The following KCTD8 variants were observed in gnomAD, a reference collection of about 807,000 sequenced individuals.
The protein encoded by KCTD8 is potassium channel tetramerization domain containing 8.
KCTD8 carries 27 observed loss-of-function variants against 31.5 expected under a neutral mutation model. That is an observed-to-expected ratio of 0.86 (90% CI 0.63 to 1.18). The LOEUF (loss-of-function observed/expected upper bound fraction) is 1.18. KCTD8 is among the 50% of genes most tolerant of loss of function. The probability of loss-of-function intolerance (pLI) is 0.00; values close to 1 mark genes in which losing one functional copy is unlikely to be tolerated. For missense variants in KCTD8, 658 were observed against 647.7 expected, an observed-to-expected ratio of 1.02 and a Z score of -0.17; for synonymous variants, 290 against 280.0, an observed-to-expected ratio of 1.04 and a Z score of -0.36.
intron 1 of KCTD8, among the ~76,000 whole-genome samples, chr4:44,242,440 C>T (rs965486049): frequency 6.6e-5 from 10 of 151,842 alleles, no homozygotes; most frequent in South Asian, 2.1e-4. Context: ...TAGCTGGGCG[C>T]GGTGGCTGGC....
At chr4:44,271,009 A>T (rs1716581882) in intron 1 of KCTD8, among the ~76,000 whole-genome samples, 1 of 152,120 alleles carries the variant, frequency 6.6e-6, no homozygotes, top group African/African-American at 2.4e-5. Context: ...ATTATTAAAT[A>T]AATTTTTAGA....
intron 1 of KCTD8, among the ~76,000 whole-genome samples, chr4:44,347,543 T>C (rs1719065599): frequency 6.6e-6 from 1 of 152,190 alleles, no homozygotes; most frequent in Non-Finnish European, 1.5e-5. Context: ...CTCCTATTAG[T>C]TCCACATTGT....
Position 44,256,176 on chromosome 4 carries a change from G to A in KCTD8, c.962-80926C>T, listed in dbSNP as rs191729867. Among the ~76,000 whole-genome samples the A allele has an allele frequency of 8.6e-5, 13 of 151,956 alleles. No homozygotes were observed. In the East Asian group the frequency reaches 2.5e-3, roughly 30 times the overall value. ...CACATTATTCAATTACCTCCCACCA[G>A]TCCCTCCCACGACGTGAGAATTATG... On this transcript the variant is annotated intron_variant, in intron 1 of 1. Transcript: ENST00000360029.
At chr4:44,441,248 A>AT (rs1721803222) in intron 1 of KCTD8, among the ~76,000 whole-genome samples, 1 of 151,836 alleles carries the variant, frequency 6.6e-6, no homozygotes, top group Non-Finnish European at 1.5e-5. Flanking sequence ...TAAAAAAAAA[A>AT]TACACTTTAA....
In KCTD8 at chr4:44,191,291, G is replaced by C. The variant is rs192554362; in HGVS notation, c.962-16041C>G. On this transcript the variant is annotated intron_variant, in intron 1 of 1. Coordinates refer to ENST00000360029, the MANE Select transcript of KCTD8 (RefSeq NM_198353.3). Reference sequence around the variant, plus strand: ...AGGATGTTTGTCACCTCAGGACCCTGTGATGATTGTGTTAACTGTACAAAT... The same window carrying C: ...AGGATGTTTGTCACCTCAGGACCCTCTGATGATTGTGTTAACTGTACAAAT... 1.2e-3 allele frequency among the ~76,000 whole-genome samples: 186 copies of C among 152,264 alleles called. No individual in the cohort carries two copies. In the Middle Eastern group the frequency reaches 0.014, roughly 11 times the overall value.
chr4:44,400,500 G>A (rs141819566), intron 1 of KCTD8, among the ~76,000 whole-genome samples: 4,011 of 151,962 alleles, frequency 0.026, 80 homozygotes, highest in Non-Finnish European at 0.041. Context: ...AGGCCGTGGT[G>A]GGTGGATCAC....
chr4:44,174,119 A>G lies in KCTD8; in HGVS notation c.*671T>C, dbSNP rs1197379332. The G allele has an allele frequency of 6.6e-6, 1 of 152,316 alleles. No individual in the cohort carries two copies. Among genetic ancestry groups the G allele is most frequent in the African/African-American group, 2.4e-5 (1 of 41,470 alleles). 9.4% of individuals were successfully genotyped at this position (152,316 alleles called of 1,614,324 possible). A position where few individuals can be genotyped will look rare whatever the true frequency, so the allele number is the denominator to read the frequency against. On this transcript the variant is annotated 3_prime_UTR_variant, in exon 2 of 2. Coordinates refer to ENST00000360029, the MANE Select transcript of KCTD8 (RefSeq NM_198353.3). ...GTATAAGGCATATTTACACCATCTT[A>G]ATATACATAAACACCATACACATAC...
At chr4:44,213,190 C>G (rs561575560) in intron 1 of KCTD8, among the ~76,000 whole-genome samples, 20 of 152,296 alleles carry the variant, frequency 1.3e-4, no homozygotes, top group African/African-American at 4.3e-4. Flanking sequence ...CCTGCCTCGG[C>G]CTCCCAGAGT....
chr4:44,250,566 G>C (rs550337280), intron 1 of KCTD8, among the ~76,000 whole-genome samples: 1 of 151,710 alleles, frequency 6.6e-6, no homozygotes, highest in Non-Finnish European at 1.5e-5. Context: ...CTGCACCCAC[G>C]GGGTCTGATT....
At chr4:44,318,511 G>A (rs920690951) in intron 1 of KCTD8, among the ~76,000 whole-genome samples, 5 of 152,116 alleles carry the variant, frequency 3.3e-5, no homozygotes, top group African/African-American at 9.7e-5. Context: ...TTACTAGGAG[G>A]AATAATCAAT....
At chr4:44,283,349 C>T (rs1375179438) in intron 1 of KCTD8, among the ~76,000 whole-genome samples, 4 of 151,914 alleles carry the variant, frequency 2.6e-5, no homozygotes, top group African/African-American at 9.7e-5. Flanking sequence ...CATGCCTGGC[C>T]CAGATTTTCA....
rs1241955514 is a variant in KCTD8, at chr4:44,174,721, C to T, written c.*69G>A. On this transcript the variant is annotated 3_prime_UTR_variant, in exon 2 of 2. Transcript: ENST00000360029. The stretch of plus-strand genomic sequence containing the variant: ...AGAATCACACTGACCATTGTTAGGA[C>T]ATCAGTCAGGTGGTGACACTGTAGT... 6.7e-5 allele frequency: 77 copies of T among 1,146,448 alleles called. No homozygotes were observed. Among genetic ancestry groups the T allele is most frequent in the Middle Eastern group, 5.1e-4 (2 of 3,928 alleles). The allele number at this position is 1,146,448 out of a possible 1,614,324, so 71.0% of individuals were successfully genotyped here. A position where few individuals can be genotyped will look rare whatever the true frequency, so the allele number is the denominator to read the frequency against.
intron 1 of KCTD8, among the ~76,000 whole-genome samples, chr4:44,388,160 C>T (rs529620378): frequency 6.7e-4 from 102 of 151,868 alleles, no homozygotes; most frequent in Admixed American, 1.3e-3. Flanking sequence ...AATGGAGTAC[C>T]ATCTAACACG....
intron 1 of KCTD8, among the ~76,000 whole-genome samples, chr4:44,441,476 G>T (rs1721809418): frequency 6.6e-6 from 1 of 151,978 alleles, no homozygotes; most frequent in Admixed American, 6.6e-5. Flanking sequence ...AAAATTTTGA[G>T]TTCACTCATA....
chr4:44,191,433 G>A (rs1023900956), intron 1 of KCTD8, among the ~76,000 whole-genome samples: 2 of 152,100 alleles, frequency 1.3e-5, no homozygotes, highest in African/African-American at 4.8e-5. Flanking sequence ...CTGCCTATGG[G>A]GTCGGGCAAA....
At chr4:44,359,764 A>C (rs1719449447) in intron 1 of KCTD8, among the ~76,000 whole-genome samples, 2 of 152,154 alleles carry the variant, frequency 1.3e-5, no homozygotes, top group African/African-American at 4.8e-5. Context: ...ATTCTGAATA[A>C]GTTTAAAATT....
At chr4:44,318,568 T>G (rs1718205717) in intron 1 of KCTD8, among the ~76,000 whole-genome samples, 1 of 152,176 alleles carries the variant, frequency 6.6e-6, no homozygotes, top group South Asian at 2.1e-4. Context: ...GGTAGAAAAG[T>G]GGCTCTAGAT....
chr4:44,371,108 C>T (rs1402735127), intron 1 of KCTD8, among the ~76,000 whole-genome samples: 1 of 151,972 alleles, frequency 6.6e-6, no homozygotes, highest in African/African-American at 2.4e-5. Context: ...ACCAGGAGTG[C>T]TAATGCTGGA....
At chr4:44,202,254 C>T (rs1422845946) in intron 1 of KCTD8, among the ~76,000 whole-genome samples, 2 of 152,070 alleles carry the variant, frequency 1.3e-5, no homozygotes, top group African/African-American at 2.4e-5. Context: ...CTACTTAAAA[C>T]ACAGCTCCCA....
Sources: gnomAD v4.1 joint callset for allele counts (sites outside exome capture counted in the v4.1 genomes callset) on GRCh38, gnomAD v4.1.1 for gene constraint, MANE v1.5 for transcripts, NCBI Gene and HGNC (gene_info 2026-07-23, HGNC 2026-07-21) for gene names.